ZNF487: variants seen among roughly 807,000 people sequenced by gnomAD.
ZNF487 encodes the protein KRAB domain only 1.
Under a neutral mutation model 3.0 loss-of-function variants are expected in ZNF487, and 4 were observed. That is an observed-to-expected ratio of 1.35 (90% CI 0.66 to 3.08). The LOEUF (loss-of-function observed/expected upper bound fraction) is 3.08, where lower values mean the gene tolerates loss of function less well. Among genes scored for constraint, ZNF487 ranks in the 30% most tolerant of loss-of-function variants. The pLI is 0.01. For missense variants in ZNF487, 146 were observed against 98.7 expected, an observed-to-expected ratio of 1.48 and a Z score of -2.03; for synonymous variants, 55 against 34.6, an observed-to-expected ratio of 1.59 and a Z score of -2.06.
At chr10:43,512,649 G>A in the ZNF487 span, among the ~76,000 whole-genome samples, 1 of 152,224 alleles carries the variant, frequency 6.6e-6, no homozygotes, top group Non-Finnish European at 1.5e-5. Context: ...CACCCTGTCT[G>A]TCACTGACAC....
chr10:43,492,786 T>C, the ZNF487 span, among the ~76,000 whole-genome samples: 1 of 152,206 alleles, frequency 6.6e-6, no homozygotes, highest in African/African-American at 2.4e-5. Flanking sequence ...ATGGGATATG[T>C]ATAGATAGTA....
At chr10:43,440,199 C>A (rs1839547002) in intron 1 of ZNF487, among the ~76,000 whole-genome samples, 1 of 151,844 alleles carries the variant, frequency 6.6e-6, no homozygotes, top group Non-Finnish European at 1.5e-5. Context: ...CAGGTGCCCG[C>A]CACCATGCCT....
At chr10:43,455,586 T>C (rs1199782746) in intron 1 of ZNF487, among the ~76,000 whole-genome samples, 4 of 152,204 alleles carry the variant, frequency 2.6e-5, no homozygotes. Flanking sequence ...GGCGAGGTTG[T>C]GTCGCGGAAC....
chr10:43,458,029 A>AAAC (rs931595916), intron 1 of ZNF487: 2 of 142,362 alleles, frequency 1.4e-5, no homozygotes, highest in African/African-American at 5.3e-5. Context: ...CTCAATAAAA[A>AAAC]AACAACAACA....
intron 1 of ZNF487, among the ~76,000 whole-genome samples, chr10:43,464,651 T>A (rs1231044579): frequency 6.6e-6 from 1 of 152,154 alleles, no homozygotes; most frequent in African/African-American, 2.4e-5. Context: ...TAACCCTGAG[T>A]TGACACAGCA....
the ZNF487 span, among the ~76,000 whole-genome samples, chr10:43,490,920 C>T: frequency 8.0e-5 from 12 of 150,598 alleles, 1 homozygote; most frequent in African/African-American, 1.2e-4. Flanking sequence ...GTGATTTCCC[C>T]GCCTCAGACT....
At chr10:43,452,194 A>T (rs977089269) in intron 1 of ZNF487, 3 of 151,990 alleles carry the variant, frequency 2.0e-5, no homozygotes, top group African/African-American at 7.3e-5. Flanking sequence ...ATCTTTGACT[A>T]CTGTCAGCTC....
intron 1 of ZNF487, chr10:43,454,675 C>T (rs1840112385): frequency 6.6e-6 from 1 of 152,082 alleles, no homozygotes; most frequent in Non-Finnish European, 1.5e-5. Flanking sequence ...TTTTGATGTA[C>T]TTATGCTGTT....
At position 43,475,242 on chromosome 10, in the gene ZNF487, G is replaced by A. The variant is rs917365419; in HGVS notation, c.-93-479G>A. On this transcript the variant is annotated intron_variant, in intron 1 of 3. Transcript: ENST00000437590. ...TTTGTATGAATTAAGAAAGTAGGCC[G>A]GGCCTAGTGGTTCACATCTGTAATC... Among the ~76,000 whole-genome samples, 10 of 152,246 alleles carry A rather than the reference G, an allele frequency of 6.6e-5. 1 individual carries two copies. Among genetic ancestry groups the A allele is most frequent in the East Asian group, 1.9e-4 (1 of 5,186 alleles).
intron 1 of ZNF487, among the ~76,000 whole-genome samples, chr10:43,448,794 G>A (rs1361368932): frequency 1.3e-5 from 2 of 151,926 alleles, no homozygotes; most frequent in Non-Finnish European, 2.9e-5. Context: ...TCCAGCCTAG[G>A]TGACAGAGGA....
At chr10:43,491,095 T>A in the ZNF487 span, among the ~76,000 whole-genome samples, 1 of 150,362 alleles carries the variant, frequency 6.7e-6, no homozygotes, top group Non-Finnish European at 1.5e-5. Context: ...GCCTCCTGAG[T>A]AGCTGGGACT....
At chr10:43,504,293 C>CTTTT in the ZNF487 span, among the ~76,000 whole-genome samples, 162 of 108,936 alleles carry the variant, frequency 1.5e-3, no homozygotes, top group South Asian at 1.7e-3. Flanking sequence ...TTCTTTCTTT[C>CTTTT]TTTTTTTTTT....
chr10:43,476,133 G>T lies in ZNF487; in HGVS notation c.61G>T (p.Val21Phe), dbSNP rs1361299432. 1.4e-6 allele frequency: 1 copy of T among 717,516 alleles called. No individual in the cohort carries two copies. The highest frequency in any genetic ancestry group is 2.6e-6 in the Non-Finnish European group (1 of 385,098). 44.4% of individuals were successfully genotyped at this position (717,516 alleles called of 1,614,324 possible). ...VGYCITKPEV[V>F]CKLEHGQVLW... is the part of the protein sequence containing the mutation. ...ATATTGCATTACCAAACCAGAGGTG[G>T]TTTGCAAGTTGGAGCATGGACAGGT... Residue 21 changes from valine to phenylalanine, a missense_variant, in exon 3 of 4, where the codon GTT becomes TTT. Physicochemically the swap from Val to Phe is conservative, Grantham distance 50. Coordinates refer to ENST00000437590, the MANE Select transcript of ZNF487 (RefSeq NM_001355444.3).
the ZNF487 span, among the ~76,000 whole-genome samples, chr10:43,493,511 T>A: frequency 6.6e-6 from 1 of 151,306 alleles, no homozygotes; most frequent in Non-Finnish European, 1.5e-5. Context: ...CTGGGCGACA[T>A]GGCGAAACCC....
chr10:43,453,477 G>A (rs918909733), intron 1 of ZNF487: 1 of 152,162 alleles, frequency 6.6e-6, no homozygotes, highest in Non-Finnish European at 1.5e-5. Flanking sequence ...GGGTCATCCT[G>A]GGAACACAGG....
intron 1 of ZNF487, among the ~76,000 whole-genome samples, chr10:43,468,469 C>T (rs1351443961): frequency 6.6e-6 from 1 of 151,012 alleles, no homozygotes; most frequent in Non-Finnish European, 1.5e-5. Flanking sequence ...CACCTGAGGT[C>T]GGGAGTTTGA....
intron 1 of ZNF487, among the ~76,000 whole-genome samples, chr10:43,455,277 C>T (rs960104972): frequency 4.1e-4 from 62 of 152,160 alleles, no homozygotes; most frequent in African/African-American, 1.4e-3. Flanking sequence ...TCCCAAAGTG[C>T]TGGGTTTACA....
intron 1 of ZNF487, among the ~76,000 whole-genome samples, chr10:43,461,645 T>A (rs1462670799): frequency 1.3e-5 from 2 of 152,206 alleles, no homozygotes; most frequent in East Asian, 3.8e-4. Flanking sequence ...ATCAATTTTA[T>A]GCCTGTTTCA....
chr10:43,442,537 G>A (rs909496674), intron 1 of ZNF487, among the ~76,000 whole-genome samples: 2 of 152,072 alleles, frequency 1.3e-5, no homozygotes, highest in South Asian at 2.1e-4. Flanking sequence ...TCCACCCTCC[G>A]GGTTGAAATG....
Sources: allele counts gnomAD v4.1 joint callset (sites outside exome capture counted in the v4.1 genomes callset), GRCh38; gene constraint gnomAD v4.1.1; transcripts MANE v1.5; gene names NCBI Gene and HGNC (gene_info 2026-07-23, HGNC 2026-07-21).